The following ADAMTS18 variants were observed in gnomAD, a reference collection of about 807,000 sequenced individuals.
ADAMTS18 encodes ADAM metallopeptidase with thrombospondin type 1 motif 18.
A neutral mutation model predicts 165.9 loss-of-function variants in ADAMTS18; 157 were observed. That is an observed-to-expected ratio of 0.95 (90% CI 0.83 to 1.08). The LOEUF is 1.08. Ranked by LOEUF, ADAMTS18 falls within the 50% of genes least tolerant of loss-of-function variation. The pLI is 0.00. For synonymous variants in ADAMTS18, 782 were observed against 578.2 expected, an observed-to-expected ratio of 1.35 and a Z score of -5.06; for missense variants, 2,040 against 1,534.0, an observed-to-expected ratio of 1.33 and a Z score of -5.51.
chr16:77,314,979 G>A (rs2650896), intron 16 of ADAMTS18, among the ~76,000 whole-genome samples: 136,011 of 149,816 alleles, frequency 0.91, 61,802 homozygotes, highest in East Asian at 0.95. Context: ...CCTAAGTTAT[G>A]TAGCTAGTTA....
At chr16:77,311,721 G>A (rs1284032020) in intron 16 of ADAMTS18, among the ~76,000 whole-genome samples, 3 of 126,386 alleles carry the variant, frequency 2.4e-5, no homozygotes, top group Admixed American at 1.7e-4. Flanking sequence ...TTTTTGCTTT[G>A]AATATATTTG....
chr16:77,308,930 C>T (rs1481429458), intron 16 of ADAMTS18, among the ~76,000 whole-genome samples: 5 of 152,154 alleles, frequency 3.3e-5, no homozygotes, highest in African/African-American at 9.7e-5. Context: ...TAGTTTTTCT[C>T]AGTATTCCCA....
chr16:77,344,058 C>CA (rs1024445327), intron 10 of ADAMTS18, among the ~76,000 whole-genome samples: 127 of 135,016 alleles, frequency 9.4e-4, no homozygotes, highest in South Asian at 5.9e-3. Context: ...CACAAACACT[C>CA]AAAAAAAAAA....
Position 77,319,861 on chromosome 16 carries a change from C to T in ADAMTS18, c.2520G>A (p.Thr840=), listed in dbSNP as rs376883495. Residue 840 remains threonine (T), a synonymous_variant, in exon 16 of 23, where the codon ACG becomes ACA. Transcript: ENST00000282849. ...AGAAGGGGCTTACTTCAAAGACCAGCGTCTCATTTGTGGGCCCTGGCGCGT... is the reference window on the plus strand; with the variant it reads ...AGAAGGGGCTTACTTCAAAGACCAGTGTCTCATTTGTGGGCCCTGGCGCGT... ...RLYAPGPTNE[T]LVFEILMQGK... is the part of the protein sequence containing the mutation. 1.2e-6 allele frequency: 2 copies of T among 1,613,892 alleles called. No individual in the cohort carries two copies. The highest frequency in any genetic ancestry group is 1.7e-6 in the Non-Finnish European group (2 of 1,179,898).
chr16:77,392,134 G>A (rs923299296), intron 3 of ADAMTS18, among the ~76,000 whole-genome samples: 3 of 152,130 alleles, frequency 2.0e-5, no homozygotes, highest in South Asian at 2.1e-4. Flanking sequence ...ATAATGCTCT[G>A]GGACAGAAGA....
chr16:77,420,002 T>TAAAAAAAA (rs34486248), intron 3 of ADAMTS18, among the ~76,000 whole-genome samples: 2 of 91,264 alleles, frequency 2.2e-5, no homozygotes, highest in Admixed American at 1.5e-4. Flanking sequence ...TGTCGCAGAT[T>TAAAAAAAA]AAAAAAAAAA....
chr16:77,364,525 T>G (rs1383749385), intron 4 of ADAMTS18, 144 bp from the exon 5 acceptor site: 3 of 856,566 alleles, frequency 3.5e-6, no homozygotes, highest in Non-Finnish European at 5.4e-6. Flanking sequence ...TATCAGTGCC[T>G]GCCCAGGTGC....
rs755215391 is a variant in ADAMTS18, at chr16:77,293,077, T to G, written c.3188A>C (p.Glu1063Ala). 6.2e-7 allele frequency: 1 copy of G among 1,613,956 alleles called. No individual in the cohort carries two copies. ...RLQWVASSWSECSATCGLGVR... is the reference protein window; with the variant it reads ...RLQWVASSWSACSATCGLGVR... ...CCAGCAGTGACTTCTAATCCATACC[T>G]CGCTCCACGAAGAAGCGACCCACTG... The change falls in exon 20 of 23, where the codon GAG (glutamate) becomes GCG (alanine). Residue 1063 changes from glutamate (E) to alanine (A), a missense_variant and splice_region_variant. Physicochemically the swap from Glu to Ala is moderately radical, Grantham distance 107. Transcript: ENST00000282849.
chr16:77,389,834 G>A (rs751238394), intron 3 of ADAMTS18, among the ~76,000 whole-genome samples: 5 of 152,146 alleles, frequency 3.3e-5, no homozygotes, highest in Non-Finnish European at 5.9e-5. Context: ...GCATAGAATC[G>A]ATCTGTGCAC....
chr16:77,397,587 T>C (rs543442909), intron 3 of ADAMTS18, among the ~76,000 whole-genome samples: 4 of 152,254 alleles, frequency 2.6e-5, no homozygotes, highest in African/African-American at 9.6e-5. Context: ...AAGAACTGAG[T>C]AAAACTGCCC....
At chr16:77,344,145 ATGTG>A (rs936023847) in intron 10 of ADAMTS18, among the ~76,000 whole-genome samples, 1 of 134,164 alleles carries the variant, frequency 7.5e-6, no homozygotes, top group African/African-American at 2.7e-5. Context: ...ATATATATGT[ATGTG>A]TGTGTGTATA....
intron 3 of ADAMTS18, 76 bp downstream of exon 3, chr16:77,431,219 A>C: frequency 6.6e-7 from 1 of 1,511,300 alleles, no homozygotes; most frequent in South Asian, 1.1e-5. Context: ...AAGAGCATTT[A>C]TATTGCAGAC....
intron 3 of ADAMTS18, among the ~76,000 whole-genome samples, chr16:77,429,927 T>C (rs2057718019): frequency 6.6e-6 from 1 of 152,194 alleles, no homozygotes; most frequent in East Asian, 1.9e-4. Context: ...TAGTTAACTC[T>C]ACTTAACACA....
rs2055443462 is a variant in ADAMTS18, at chr16:77,295,097, G to C, written c.2832C>G (p.Ser944Arg). ...YWMPGEWSTC[S>R]KACAGGQQSR... ...TCTGCTGGCCTCCAGCACAGGCCTTGCTGCATGTACTCCATTCACCTGGCA... is the reference window on the plus strand; with the variant it reads ...TCTGCTGGCCTCCAGCACAGGCCTTCCTGCATGTACTCCATTCACCTGGCA... Residue 944 changes from serine to arginine, a missense_variant, in exon 19 of 23, where the codon AGC (serine) becomes AGG (arginine). By Grantham distance (110) the Ser-to-Arg change is moderately radical. Coordinates refer to ENST00000282849, the MANE Select transcript of ADAMTS18 (RefSeq NM_199355.4). The C allele has an allele frequency of 1.2e-6, 2 of 1,614,022 alleles. No homozygotes were observed. The highest frequency in any genetic ancestry group is 1.1e-5 in the South Asian group (1 of 91,086).
chr16:77,282,916 T>TC lies in ADAMTS18; in HGVS notation c.*1039_*1040insG, dbSNP rs1463364002. ...CTCCTTTCTTTCTCTCTTTTTTTTT[T>TC]TTTTTTTTTTGCTGTTAGCTCAATC... On this transcript the variant is annotated 3_prime_UTR_variant, in exon 23 of 23. Transcript: ENST00000282849. 6.8e-6 allele frequency: 1 copy of TC among 147,084 alleles called. No individual in the cohort carries two copies. Among genetic ancestry groups the TC allele is most frequent in the East Asian group, 2.0e-4 (1 of 5,116 alleles). The allele number at this position is 147,084 out of a possible 1,614,324, so 9.1% of individuals were successfully genotyped here. A position where few individuals can be genotyped will look rare whatever the true frequency, so the allele number is the denominator to read the frequency against.
At chr16:77,350,888 C>T (rs1249767427) in intron 10 of ADAMTS18, among the ~76,000 whole-genome samples, 1 of 151,954 alleles carries the variant, frequency 6.6e-6, no homozygotes, top group Non-Finnish European at 1.5e-5. Flanking sequence ...CTTCTAATCA[C>T]TATGCAACCC....
chr16:77,309,928 A>G (rs1339612654), intron 16 of ADAMTS18, among the ~76,000 whole-genome samples: 1 of 152,218 alleles, frequency 6.6e-6, no homozygotes, highest in African/African-American at 2.4e-5. Flanking sequence ...GATTCCTCAA[A>G]TGCATTTTAG....
At chr16:77,407,581 T>C (rs778105584) in intron 3 of ADAMTS18, among the ~76,000 whole-genome samples, 1 of 152,100 alleles carries the variant, frequency 6.6e-6, no homozygotes, top group Non-Finnish European at 1.5e-5. Context: ...TAAGGTGTGG[T>C]ATTAGAATAA....
At chr16:77,381,149 G>C (rs1214068020) in intron 3 of ADAMTS18, among the ~76,000 whole-genome samples, 4 of 152,128 alleles carry the variant, frequency 2.6e-5, no homozygotes, top group Non-Finnish European at 5.9e-5. Context: ...GCTGGGATTA[G>C]AGGCGTGAGT....
Sources: gnomAD v4.1 joint callset for allele counts (sites outside exome capture counted in the v4.1 genomes callset) on GRCh38, gnomAD v4.1.1 for gene constraint, MANE v1.5 for transcripts, NCBI Gene and HGNC (gene_info 2026-07-23, HGNC 2026-07-21) for gene names.